ADD3: variants seen among roughly 807,000 people sequenced by gnomAD.
ADD3 encodes the protein adducin 3.
In ADD3, 25 loss-of-function variants were observed where a neutral mutation model predicts 80.2. The observed-to-expected ratio is 0.31, with a 90% CI of 0.23 to 0.44. ADD3 has a LOEUF of 0.44. ADD3 is among the 20% of genes least tolerant of loss of function. The pLI, the probability that ADD3 is intolerant of heterozygous loss-of-function variation, is 1.00. For synonymous variants in ADD3, 284 were observed against 289.6 expected, an observed-to-expected ratio of 0.98 and a Z score of 0.20; for missense variants, 829 against 847.5, an observed-to-expected ratio of 0.98 and a Z score of 0.27.
At position 110,065,543 on chromosome 10, in the gene ADD3, T is replaced by TTTTTTTTTTTTTC. The variant is rs1554928331; in HGVS notation, c.-29-35070_-29-35069insCTTTTTTTTTTTT. Among the ~76,000 whole-genome samples, 510 of 81,748 alleles carry TTTTTTTTTTTTTC rather than the reference T, an allele frequency of 6.2e-3. 59 individuals carry two copies. The highest frequency in any genetic ancestry group is 0.021 in the African/African-American group (485 of 23,276). 53.6% of individuals were successfully genotyped at this position (81,748 alleles called of 152,430 possible). The stretch of plus-strand genomic sequence containing the variant: ...TTCTTAGCCTCTCTCTCTCCCCTTT[T>TTTTTTTTTTTTTC]TTTTTTTTTTTTTTGAGAAAGAATC... On this transcript the variant is annotated intron_variant, in intron 1 of 14. Coordinates refer to ENST00000356080, the MANE Select transcript of ADD3 (RefSeq NM_016824.5).
chr10:110,011,543 G>C (rs1852330073), intron 1 of ADD3, among the ~76,000 whole-genome samples: 1 of 152,168 alleles, frequency 6.6e-6, no homozygotes, highest in South Asian at 2.1e-4. Context: ...TGAAGACACA[G>C]GTTACTAATC....
At chr10:110,035,344 C>T (rs1855516357) in intron 1 of ADD3, among the ~76,000 whole-genome samples, 1 of 152,124 alleles carries the variant, frequency 6.6e-6, no homozygotes, top group South Asian at 2.1e-4. Flanking sequence ...CTATCTGCAT[C>T]CCATGTTTTA....
At chr10:110,093,538 G>A (rs552695719) in intron 1 of ADD3, among the ~76,000 whole-genome samples, 1 of 152,302 alleles carries the variant, frequency 6.6e-6, no homozygotes, top group South Asian at 2.1e-4. Flanking sequence ...GTGGTCATCT[G>A]TCAGGTAAAG....
At chr10:110,000,561 T>C (rs753052981) in intron 1 of ADD3, among the ~76,000 whole-genome samples, 2 of 152,232 alleles carry the variant, frequency 1.3e-5, no homozygotes, top group Non-Finnish European at 2.9e-5. Flanking sequence ...ATTACATTCA[T>C]TTGTCAATAT....
chr10:110,026,531 C>T (rs1854329712), intron 1 of ADD3, among the ~76,000 whole-genome samples: 2 of 152,064 alleles, frequency 1.3e-5, no homozygotes, highest in Non-Finnish European at 2.9e-5. Flanking sequence ...CCGCCCACCT[C>T]GGCCTCCCAA....
chr10:110,071,125 G>A (rs1057472342), intron 1 of ADD3, among the ~76,000 whole-genome samples: 8 of 151,864 alleles, frequency 5.3e-5, no homozygotes, highest in African/African-American at 1.9e-4. Context: ...AAAAATTGGG[G>A]GAATGGCTTT....
rs149601069 is a variant in ADD3 at position 110,013,855 on chromosome 10, A to G, written c.-30+5556A>G. 2.8e-4 allele frequency among the ~76,000 whole-genome samples: 43 copies of G among 152,310 alleles called. No homozygotes were observed. In the East Asian group the frequency reaches 8.3e-3, roughly 29 times the overall value. ...TTGGTTACCTACTAGAGGAGGTGGA[A>G]CTCAAACAATGTAAAAGCAATCAGG... On this transcript the variant is annotated intron_variant, in intron 1 of 14. Coordinates refer to ENST00000356080, the MANE Select transcript of ADD3 (RefSeq NM_016824.5).
Position 110,133,782 on chromosome 10 carries a change from C to G in ADD3, c.*164C>G. The G allele has an allele frequency of 1.9e-6, 1 of 534,932 alleles. No individual in the cohort carries two copies. The highest frequency in any genetic ancestry group is 3.1e-6 in the Non-Finnish European group (1 of 325,144). The allele number at this position is 534,932 out of a possible 1,614,324, so 33.1% of individuals were successfully genotyped here. A position where few individuals can be genotyped will look rare whatever the true frequency, so the allele number is the denominator to read the frequency against. On this transcript the variant is annotated 3_prime_UTR_variant, in exon 15 of 15. Transcript: ENST00000356080. ...TTTACAAAAGAAAAACTTTCAGATT[C>G]ATCTCTCATTTTATATGTCCAGAAA...
intron 1 of ADD3, among the ~76,000 whole-genome samples, chr10:110,065,746 G>C (rs1482401930): frequency 6.7e-6 from 1 of 150,154 alleles, no homozygotes; most frequent in African/African-American, 2.4e-5. Context: ...CACCATTTTG[G>C]CCAGGCTGGT....
chr10:110,016,788 CT>C (rs1459750573), intron 1 of ADD3, among the ~76,000 whole-genome samples: 2 of 151,782 alleles, frequency 1.3e-5, no homozygotes, highest in Non-Finnish European at 2.9e-5. Flanking sequence ...TTTGTTTTTT[CT>C]TTCCCTATTT....
intron 1 of ADD3, among the ~76,000 whole-genome samples, chr10:110,095,784 A>G (rs751026668): frequency 1.3e-5 from 2 of 152,242 alleles, no homozygotes; most frequent in Non-Finnish European, 2.9e-5. Context: ...AACAGTAAAA[A>G]GGAACAAATT....
At chr10:110,104,147 A>G (rs1009304795) in intron 2 of ADD3, among the ~76,000 whole-genome samples, 14 of 152,234 alleles carry the variant, frequency 9.2e-5, no homozygotes, top group African/African-American at 3.4e-4. Context: ...AGGGCATAAG[A>G]TAACTGCTAC....
At position 110,118,695 on chromosome 10, in the gene ADD3, G is replaced by C. The variant is rs372946979; in HGVS notation, c.676G>C (p.Val226Leu). 1 of 1,614,028 alleles carries C rather than the reference G, an allele frequency of 6.2e-7. No homozygotes were observed. Among genetic ancestry groups the C allele is most frequent in the Non-Finnish European group, 8.5e-7 (1 of 1,180,024 alleles). ...TGCAATCTATTCAACACGTCCTGAT[G>C]TTAAGTGTGTGATACACATCCATAC... ...HAAIYSTRPD[V>L]KCVIHIHTLA... Residue 226 changes from valine (V) to leucine (L), a missense_variant, in exon 6 of 15, where the codon GTT (valine) becomes CTT (leucine). Val to Leu is a conservative substitution (Grantham distance 32). Transcript: ENST00000356080.
At chr10:110,118,063 CACACACACACAA>C (rs1345251710) in intron 5 of ADD3, among the ~76,000 whole-genome samples, 3 of 135,584 alleles carry the variant, frequency 2.2e-5, no homozygotes, top group Non-Finnish European at 3.1e-5. Flanking sequence ...CACACACACA[CACACACACACAA>C]TGTTCATAGC....
At chr10:110,007,206 C>A (rs986930262), upstream of ADD3, among the ~76,000 whole-genome samples, 3 of 152,176 alleles carry the variant, frequency 2.0e-5, no homozygotes, top group African/African-American at 7.2e-5. Context: ...AGTGAGCTCT[C>A]ATAAGGTTCA....
intron 1 of ADD3, among the ~76,000 whole-genome samples, chr10:109,996,776 G>A (rs1015266519): frequency 2.0e-5 from 3 of 152,176 alleles, no homozygotes; most frequent in Non-Finnish European, 4.4e-5. Flanking sequence ...ACAGTTTGCA[G>A]CAAGGTATTT....
intron 12 of ADD3, 27 bp downstream of exon 12, chr10:110,126,530 T>C: frequency 6.8e-7 from 1 of 1,479,596 alleles, no homozygotes; most frequent in Non-Finnish European, 9.4e-7. Flanking sequence ...GTATGATCTT[T>C]GTTTTTTATT....
chr10:110,132,217 G>A, intron 13 of ADD3, 88 bp from the exon 14 acceptor site: 1 of 794,094 alleles, frequency 1.3e-6, no homozygotes. Flanking sequence ...TTTGTATACA[G>A]GCATTTGATG....
chr10:110,132,032 T>A (rs1261121453), intron 13 of ADD3, among the ~76,000 whole-genome samples: 1 of 152,242 alleles, frequency 6.6e-6, no homozygotes, highest in African/African-American at 2.4e-5. Context: ...AAGAGCTACA[T>A]GCAACATATC....
Sources: allele counts gnomAD v4.1 joint callset (sites outside exome capture counted in the v4.1 genomes callset), GRCh38; gene constraint gnomAD v4.1.1; transcripts MANE v1.5; gene names NCBI Gene and HGNC (gene_info 2026-07-23, HGNC 2026-07-21).